Variants in CDH8 observed in about 807,000 individuals in gnomAD.
CDH8 encodes cadherin-8.
CDH8 carries 17 observed loss-of-function variants against 68.1 expected under a neutral mutation model. That is an observed-to-expected ratio of 0.25 (90% CI 0.17 to 0.37). The LOEUF (loss-of-function observed/expected upper bound fraction) is 0.37, where lower values mean the gene tolerates loss of function less well. CDH8 is among the 10% of genes least tolerant of loss of function. The pLI, the probability that CDH8 is intolerant of heterozygous loss-of-function variation, is 1.00. For synonymous variants in CDH8, 372 were observed against 365.1 expected (o/e 1.02, Z -0.21); for missense variants, 763 against 999.3 (o/e 0.76, Z 3.19).
rs991307244 is a variant in CDH8 at position 61,666,204 on chromosome 16, GTGTA to G, written c.1655-10487_1655-10484del. On this transcript the variant is annotated intron_variant, in intron 10 of 11. Transcript: ENST00000577390. ...TGTGTGTGTGTGTGTGTGTGTGTGT[GTGTA>G]TATATATATATATGTATATGGTTTG... Among the ~76,000 whole-genome samples the G allele has an allele frequency of 2.7e-4, 38 of 142,758 alleles. No homozygotes were observed. In the South Asian group the frequency reaches 7.6e-3, roughly 29 times the overall value. The allele number at this position is 142,758 out of a possible 152,430, so 93.7% of individuals were successfully genotyped here. A position where few individuals can be genotyped will look rare whatever the true frequency, so the allele number is the denominator to read the frequency against.
chr16:61,750,014 G>A (rs557656588), intron 8 of CDH8, among the ~76,000 whole-genome samples: 44 of 152,184 alleles, frequency 2.9e-4, no homozygotes, highest in African/African-American at 1.1e-3. Flanking sequence ...CACCCAGGTA[G>A]TCAGCATAGT....
At chr16:61,738,673 A>G (rs972452975) in intron 8 of CDH8, among the ~76,000 whole-genome samples, 4 of 152,140 alleles carry the variant, frequency 2.6e-5, no homozygotes, top group African/African-American at 9.7e-5. Flanking sequence ...TGGAACTATT[A>G]TGTTTTCTAT....
intron 8 of CDH8, among the ~76,000 whole-genome samples, chr16:61,752,937 C>T (rs1960207505): frequency 6.6e-6 from 1 of 152,134 alleles, no homozygotes; most frequent in African/African-American, 2.4e-5. Flanking sequence ...AGACAGCTTT[C>T]TAAGGGAGGT....
intron 3 of CDH8, among the ~76,000 whole-genome samples, chr16:61,868,519 T>C (rs1361073767): frequency 6.6e-6 from 1 of 152,152 alleles, no homozygotes; most frequent in Non-Finnish European, 1.5e-5. Context: ...CTTCTTAGAG[T>C]TGAACCCAGT....
intron 8 of CDH8, among the ~76,000 whole-genome samples, chr16:61,783,848 T>C (rs1456896054): frequency 2.0e-5 from 3 of 151,984 alleles, no homozygotes; most frequent in Non-Finnish European, 2.9e-5. Context: ...GCTTCATAAG[T>C]GAAGGAGAAA....
chr16:61,889,483 C>A (rs1425936011), intron 3 of CDH8, among the ~76,000 whole-genome samples: 2 of 152,112 alleles, frequency 1.3e-5, no homozygotes, highest in African/African-American at 4.8e-5. Context: ...TCTGAGGAAG[C>A]GAGGCATACA....
Position 61,846,992 on chromosome 16 carries a change from T to C in CDH8, c.667+10127A>G, listed in dbSNP as rs534086716. 1.3e-3 allele frequency among the ~76,000 whole-genome samples: 191 copies of C among 152,230 alleles called. 2 individuals carry two copies. Among genetic ancestry groups the C allele is most frequent in the Non-Finnish European group, 8.7e-4 (59 of 68,008 alleles). ...CAACAATCCCATAGCTACTGTTCCC[T>C]AATAATCAGATGCTGGGATATATTG... On this transcript the variant is annotated intron_variant, in intron 4 of 11. Transcript: ENST00000577390.
chr16:61,980,555 A>G (rs938460159), intron 2 of CDH8, among the ~76,000 whole-genome samples: 5 of 152,134 alleles, frequency 3.3e-5, no homozygotes, highest in African/African-American at 9.7e-5. Context: ...TCCCCCATCT[A>G]CAACCCTCAG....
At position 62,021,612 on chromosome 16, in the gene CDH8, CAAG is replaced by C. The variant is rs1902078215; in HGVS notation, c.-199-13_-199-11del. 1 of 1,333,676 alleles carries C rather than the reference CAAG, an allele frequency of 7.5e-7. No homozygotes were observed. Among genetic ancestry groups the C allele is most frequent in the African/African-American group, 1.5e-5 (1 of 67,334 alleles). 82.6% of individuals were successfully genotyped at this position (1,333,676 alleles called of 1,614,324 possible). A position where few individuals can be genotyped will look rare whatever the true frequency, so the allele number is the denominator to read the frequency against. On this transcript the variant is annotated splice_polypyrimidine_tract_variant and intron_variant, in intron 1 of 11. Transcript: ENST00000577390. ...TTTTCATTGAAATTTCCTGCAAAAA[CAAG>C]GAGGAAGAAAGATAAGGGTCTACTC...
At chr16:61,839,405 G>C (rs954154137) in intron 4 of CDH8, among the ~76,000 whole-genome samples, 2 of 152,100 alleles carry the variant, frequency 1.3e-5, no homozygotes, top group Non-Finnish European at 2.9e-5. Context: ...TTAGAGGAAA[G>C]TATAAAATAA....
chr16:61,981,681 T>TGTGCGC (rs747443852), intron 2 of CDH8, among the ~76,000 whole-genome samples: 14 of 141,856 alleles, frequency 9.9e-5, no homozygotes, highest in African/African-American at 2.5e-4. Flanking sequence ...TGTGTGTGTG[T>TGTGCGC]GCGCGCGCGC....
chr16:61,656,943 C>T (rs1428723366), intron 10 of CDH8, among the ~76,000 whole-genome samples: 1 of 152,032 alleles, frequency 6.6e-6, no homozygotes, highest in African/African-American at 2.4e-5. Flanking sequence ...GAAAGATATA[C>T]ATTTACTCAA....
At chr16:61,971,671 C>T (rs942204702) in intron 2 of CDH8, among the ~76,000 whole-genome samples, 3 of 152,152 alleles carry the variant, frequency 2.0e-5, no homozygotes, top group African/African-American at 7.2e-5. Flanking sequence ...TCAACTTAGC[C>T]TTCAGCCCCT....
At chr16:61,727,068 A>T in intron 9 of CDH8, 26 bp downstream of exon 9, 1 of 1,608,906 alleles carries the variant, frequency 6.2e-7, no homozygotes, top group Admixed American at 1.7e-5. Context: ...AAACATATTC[A>T]GCATTAACAA....
chr16:61,986,418 T>A (rs942482888), intron 2 of CDH8, among the ~76,000 whole-genome samples: 1 of 152,182 alleles, frequency 6.6e-6, no homozygotes, highest in Non-Finnish European at 1.5e-5. Context: ...GGATAATTAA[T>A]CTCTGATTGT....
intron 2 of CDH8, among the ~76,000 whole-genome samples, chr16:61,911,112 G>C (rs992668374): frequency 1.3e-5 from 2 of 152,068 alleles, no homozygotes; most frequent in African/African-American, 4.8e-5. Context: ...GTAATAGTGG[G>C]TCAATTACTG....
At chr16:61,858,251 A>C (rs901554770) in intron 3 of CDH8, among the ~76,000 whole-genome samples, 1 of 152,146 alleles carries the variant, frequency 6.6e-6, no homozygotes, top group Non-Finnish European at 1.5e-5. Flanking sequence ...GATCAGGAAC[A>C]TTTTCTAACA....
At chr16:62,018,816 G>C (rs1271536406) in intron 2 of CDH8, among the ~76,000 whole-genome samples, 1 of 152,114 alleles carries the variant, frequency 6.6e-6, no homozygotes, top group East Asian at 1.9e-4. Flanking sequence ...AGGTTCACTG[G>C]CAACATTTCT....
At chr16:61,751,969 C>T (rs1596932380) in intron 8 of CDH8, among the ~76,000 whole-genome samples, 1 of 152,134 alleles carries the variant, frequency 6.6e-6, no homozygotes, top group East Asian at 1.9e-4. Flanking sequence ...TTCCCTCATT[C>T]AATAAATATT....
Sources: allele counts gnomAD v4.1 joint callset (sites outside exome capture counted in the v4.1 genomes callset), GRCh38; gene constraint gnomAD v4.1.1; transcripts MANE v1.5; gene names NCBI Gene and HGNC (gene_info 2026-07-23, HGNC 2026-07-21).